The following SKIDA1 variants were observed in gnomAD, a reference collection of about 807,000 sequenced individuals.
The protein encoded by SKIDA1 is SKI/DACH domain-containing protein 1.
SKIDA1 carries 18 observed loss-of-function variants against 51.4 expected under a neutral mutation model. The observed-to-expected ratio is 0.35, with a 90% CI of 0.24 to 0.52. SKIDA1 has a LOEUF of 0.52. Ranked by LOEUF, SKIDA1 falls within the 20% of genes least tolerant of loss-of-function variation. The probability of loss-of-function intolerance (pLI) is 0.95; values close to 1 mark genes in which losing one functional copy is unlikely to be tolerated. For synonymous variants in SKIDA1, 579 were observed against 500.5 expected (o/e 1.16, Z -2.09); for missense variants, 1,104 against 1,180.6 (o/e 0.94, Z 0.95).
rs543933265 is a variant in SKIDA1, at chr10:21,514,790, T to C, written c.*306A>G. On this transcript the variant is annotated 3_prime_UTR_variant, in exon 4 of 4. Transcript: ENST00000449193. ...CAGTTGAATTGAGGTACCGGGTGCA[T>C]TATTAGCATCGAAACAGTAAAGTGT... 4.3e-6 allele frequency: 1 copy of C among 235,104 alleles called. No homozygotes were observed. Among genetic ancestry groups the C allele is most frequent in the East Asian group, 9.3e-5 (1 of 10,744 alleles). The allele number at this position is 235,104 out of a possible 1,614,324, so 14.6% of individuals were successfully genotyped here.
rs2032223290 is a variant in SKIDA1 at position 21,516,755 on chromosome 10, C to A, written c.1068G>T (p.Pro356=). ...GGTGAGGGGGGTGGTGACTCTGCTG[C>A]GGCGGCTGGGCCCGGTGGTGGTGGT... ...HHHHHHRAQP[P]QQSHHPPHHH... The change falls in exon 4 of 4, where the codon CCG becomes CCT. Residue 356 remains proline (P), a synonymous_variant. Coordinates refer to ENST00000449193, the MANE Select transcript of SKIDA1 (RefSeq NM_207371.4). The surrounding 1 kb of genome is among the most constrained non-coding windows in gnomAD (Gnocchi z 5.7). The A allele has an allele frequency of 3.9e-6, 6 of 1,546,836 alleles. No homozygotes were observed. The highest frequency in any genetic ancestry group is 2.4e-5 in the East Asian group (1 of 40,872).
rs1228958684 is a variant in SKIDA1, at chr10:21,515,822, G to A, written c.2001C>T (p.Ala667=). The change falls in exon 4 of 4, where the codon GCC becomes GCT. Residue 667 remains alanine, a synonymous_variant. Coordinates refer to ENST00000449193, the MANE Select transcript of SKIDA1 (RefSeq NM_207371.4). ...CGCCTGTGTCAGTGCAGGGATTCTC[G>A]GCTTTAGTTGCTGCTGCTCCTGCAG... The part of the protein sequence containing the change: ...VNAAGAAATK[A]ENPCTDTGDK... The A allele has an allele frequency of 3.1e-6, 5 of 1,613,762 alleles. No homozygotes were observed. The East Asian group carries it at 8.9e-5, about 29-fold the overall frequency.
At chr10:21,523,011 A>C (rs1193670377) in intron 2 of SKIDA1, among the ~76,000 whole-genome samples, 2 of 152,250 alleles carry the variant, frequency 1.3e-5, no homozygotes, top group African/African-American at 4.8e-5. Context: ...ACAGGTGAGC[A>C]ATAGGCACCT....
intron 1 of SKIDA1, among the ~76,000 whole-genome samples, chr10:21,525,151 G>A (rs987910872): frequency 6.6e-6 from 1 of 152,208 alleles, no homozygotes; most frequent in Non-Finnish European, 1.5e-5. Context: ...AGGGGTTTCT[G>A]CGCACAAAAT....
In SKIDA1 at chr10:21,517,049, C is replaced by T; in HGVS notation, c.774G>A (p.Ala258=). ...VSAAGPQPKA[A]AGAGGPGSLS... Reference sequence around the variant, plus strand: ...GGCTCCCCGGGCCTCCGGCGCCCGCCGCTGCCTTGGGCTGGGGCCCGGCCG... The same window carrying T: ...GGCTCCCCGGGCCTCCGGCGCCCGCTGCTGCCTTGGGCTGGGGCCCGGCCG... Residue 258 remains alanine, a synonymous_variant, in exon 4 of 4, where the codon GCG becomes GCA. Coordinates refer to ENST00000449193, the MANE Select transcript of SKIDA1 (RefSeq NM_207371.4). The surrounding 1 kb of genome is among the most constrained non-coding windows in gnomAD (Gnocchi z 6.9). The T allele has an allele frequency of 9.9e-7, 1 of 1,011,240 alleles. No homozygotes were observed. Among genetic ancestry groups the T allele is most frequent in the African/African-American group, 1.8e-5 (1 of 55,302 alleles). 62.6% of individuals were successfully genotyped at this position (1,011,240 alleles called of 1,614,324 possible).
In SKIDA1 at chr10:21,519,662, C is replaced by T. The variant is rs559632435; in HGVS notation, c.-1836-4G>A. Reference sequence around the variant, plus strand: ...GAATAAACGGATATTTCTGAGCCTGCAAGAAAAAAATTATACAGTAATTTC... The same window carrying T: ...GAATAAACGGATATTTCTGAGCCTGTAAGAAAAAAATTATACAGTAATTTC... On this transcript the variant is annotated splice_polypyrimidine_tract_variant and splice_region_variant and intron_variant, in intron 3 of 3. Transcript: ENST00000449193. 5.9e-4 allele frequency: 98 copies of T among 167,100 alleles called. No individual in the cohort carries two copies. Among genetic ancestry groups the T allele is most frequent in the African/African-American group, 2.2e-3 (90 of 41,550 alleles). 10.4% of individuals were successfully genotyped at this position (167,100 alleles called of 1,614,324 possible).
intron 1 of SKIDA1, chr10:21,524,678 A>C (rs529911345): frequency 6.8e-6 from 1 of 147,944 alleles, no homozygotes; most frequent in Admixed American, 6.9e-5. Flanking sequence ...AAAAGAATGG[A>C]ATACAAACTC....
intron 3 of SKIDA1, among the ~76,000 whole-genome samples, chr10:21,520,293 T>G (rs962227792): frequency 2.0e-5 from 3 of 152,174 alleles, no homozygotes; most frequent in Non-Finnish European, 4.4e-5. Context: ...TCTCTTTCAC[T>G]TTCACAGGAG....
In SKIDA1 at chr10:21,514,229, A is replaced by G. The variant is rs2032122501; in HGVS notation, c.*867T>C. On this transcript the variant is annotated 3_prime_UTR_variant, in exon 4 of 4. Transcript: ENST00000449193. The stretch of plus-strand genomic sequence containing the variant: ...GACTCTCTCCAAAAAAAAAAAAAAA[A>G]AAAAAAAGAAATATTTCAATTGTTT... 1 of 150,916 alleles carries G rather than the reference A, an allele frequency of 6.6e-6. No homozygotes were observed. Among genetic ancestry groups the G allele is most frequent in the African/African-American group, 2.4e-5 (1 of 41,190 alleles). The allele number at this position is 150,916 out of a possible 1,614,324, so 9.3% of individuals were successfully genotyped here.
Position 21,522,266 on chromosome 10 carries a change from A to ACCCCCCCCCCCCCCCCCCCCCCC in SKIDA1, c.-1928-809_-1928-787dup, listed in dbSNP as rs71393906. Among the ~76,000 whole-genome samples, 8 of 30,448 alleles carry ACCCCCCCCCCCCCCCCCCCCCCC rather than the reference A, an allele frequency of 2.6e-4. 1 individual carries two copies. Among genetic ancestry groups the ACCCCCCCCCCCCCCCCCCCCCCC allele is most frequent in the East Asian group, 3.2e-3 (1 of 312 alleles). The allele number at this position is 30,448 out of a possible 152,430, so 20.0% of individuals were successfully genotyped here. A position where few individuals can be genotyped will look rare whatever the true frequency, so the allele number is the denominator to read the frequency against. ...CATAATTTAAATGAGGATCACAGCC[A>ACCCCCCCCCCCCCCCCCCCCCCC]CCCCCCCCCCCCCCCCCCCCCCCCC... On this transcript the variant is annotated intron_variant, in intron 2 of 3. Transcript: ENST00000449193.
chr10:21,516,066 T>C lies in SKIDA1; in HGVS notation c.1757A>G (p.Asn586Ser), dbSNP rs1260975633. Residue 586 changes from asparagine (N) to serine (S), a missense_variant, in exon 4 of 4, where the codon AAC becomes AGC. By Grantham distance (46) the Asn-to-Ser change is conservative. Around this residue, in one of 3 missense-constraint regions of SKIDA1, gnomAD observed 938 missense variants for 886.4 expected, o/e 1.06. Transcript: ENST00000449193. The surrounding 1 kb of genome is among the most constrained non-coding windows in gnomAD (Gnocchi z 5.7). ...TATTCTTTGTTGTGGAAATGCATTG[T>C]TTGTCTTTGGGCTAGGTGAAGAGGC... Reference protein sequence around the residue: ...EGASSPSPKTNNAFPQQRILR... With the variant: ...EGASSPSPKTSNAFPQQRILR... 1 of 1,614,064 alleles carries C rather than the reference T, an allele frequency of 6.2e-7. No individual in the cohort carries two copies. Among genetic ancestry groups the C allele is most frequent in the Admixed American group, 1.7e-5 (1 of 60,028 alleles).
In SKIDA1 at chr10:21,515,707, T is replaced by A; in HGVS notation, c.2116A>T (p.Lys706Ter). 1 of 1,614,056 alleles carries A rather than the reference T, an allele frequency of 6.2e-7. No homozygotes were observed. The highest frequency in any genetic ancestry group is 8.5e-7 in the Non-Finnish European group (1 of 1,179,906). Residue 706 changes from lysine to a stop codon, truncating the protein, a stop_gained, in exon 4 of 4, where the codon AAG (lysine) becomes TAG (stop). Transcript: ENST00000449193. LOFTEE classifies it high-confidence loss of function. ...GTATCATTGCACTCGCACTTTAGCTTATTTGTAAAAAGGTGAGGTTCATAT... is the reference window on the plus strand; with the variant it reads ...GTATCATTGCACTCGCACTTTAGCTAATTTGTAAAAAGGTGAGGTTCATAT... ...EEYEPHLFTN[K>*]LKCECNDTKG... is the part of the protein sequence containing the mutation.
Position 21,516,738 on chromosome 10 carries a change from G to T in SKIDA1, c.1085C>A (p.Pro362His), listed in dbSNP as rs751132666. 3 of 1,549,762 alleles carry T rather than the reference G, an allele frequency of 1.9e-6. No individual in the cohort carries two copies. The highest frequency in any genetic ancestry group is 2.6e-6 in the Non-Finnish European group (3 of 1,146,568). ...GGGCTGCGGCCGGTGGTGGTGAGGG[G>T]GGTGGTGACTCTGCTGCGGCGGCTG... The part of the protein sequence containing the change: ...RAQPPQQSHH[P>H]PHHHRPQPHL... Residue 362 changes from proline (P) to histidine (H), a missense_variant, in exon 4 of 4, where the codon CCC becomes CAC. By Grantham distance (77) the Pro-to-His change is moderately conservative. Around this residue, in one of 3 missense-constraint regions of SKIDA1, gnomAD observed 938 missense variants for 886.4 expected, o/e 1.06. Coordinates refer to ENST00000449193, the MANE Select transcript of SKIDA1 (RefSeq NM_207371.4). The surrounding 1 kb of genome is among the most constrained non-coding windows in gnomAD (Gnocchi z 5.7).
rs186022576 is a variant in SKIDA1, at chr10:21,513,746, A to G, written c.*1350T>C. The G allele has an allele frequency of 6.6e-6, 1 of 152,660 alleles. No individual in the cohort carries two copies. The highest frequency in any genetic ancestry group is 6.5e-5 in the Admixed American group (1 of 15,306). The allele number at this position is 152,660 out of a possible 1,614,324, so 9.5% of individuals were successfully genotyped here. ...AACACAAGTTTTAGAGAGATGCAGA[A>G]AAAGTATAAGGTCATAAAATCCAAG... is the stretch of plus-strand genomic sequence containing the variant. On this transcript the variant is annotated 3_prime_UTR_variant, in exon 4 of 4. Transcript: ENST00000449193.
At position 21,516,523 on chromosome 10, in the gene SKIDA1, A is replaced by G. The variant is rs1272693339; in HGVS notation, c.1300T>C (p.Ser434Pro). The G allele has an allele frequency of 1.3e-6, 2 of 1,575,378 alleles. No individual in the cohort carries two copies. Among genetic ancestry groups the G allele is most frequent in the Non-Finnish European group, 1.7e-6 (2 of 1,161,872 alleles). The stretch of plus-strand genomic sequence containing the variant: ...TCCGAGCTGACTTCACTGGAATCCG[A>G]GGCCCCGCTGCCCCCCTCCTCCTCC... Reference protein sequence around the residue: ...EEEEEGGSGASDSSEVSSEEE... With the variant: ...EEEEEGGSGAPDSSEVSSEEE... The change falls in exon 4 of 4, where the codon TCG (serine) becomes CCG (proline). Residue 434 changes from serine (S) to proline (P), a missense_variant. Coordinates refer to ENST00000449193, the MANE Select transcript of SKIDA1 (RefSeq NM_207371.4). This position sits in a 1 kb window ranked among gnomAD's most constrained non-coding sequence, Gnocchi z 5.7.
At position 21,515,296 on chromosome 10, in the gene SKIDA1, G is replaced by A; in HGVS notation, c.2527C>T (p.Pro843Ser). The A allele has an allele frequency of 6.2e-7, 1 of 1,614,002 alleles. No homozygotes were observed. Among genetic ancestry groups the A allele is most frequent in the Non-Finnish European group, 8.5e-7 (1 of 1,179,898 alleles). ...ASNVASAVKR[P>S]FHFMANFPCP... The stretch of plus-strand genomic sequence containing the variant: ...GGAAAATTTGCCATGAAATGAAATG[G>A]CCTTTTCACTGCTGATGCTACATTG... Residue 843 changes from proline to serine, a missense_variant, in exon 4 of 4, where the codon CCA becomes TCA. Physicochemically the swap from Pro to Ser is moderately conservative, Grantham distance 74. This residue lies in a region of SKIDA1 where 112 missense variants were observed against 168.3 expected (regional missense o/e 0.67). Coordinates refer to ENST00000449193, the MANE Select transcript of SKIDA1 (RefSeq NM_207371.4).
In SKIDA1 at chr10:21,516,087, G is replaced by C. The variant is rs761126027; in HGVS notation, c.1736C>G (p.Ser579Cys). The C allele has an allele frequency of 6.2e-7, 1 of 1,614,040 alleles. No individual in the cohort carries two copies. Among genetic ancestry groups the C allele is most frequent in the Admixed American group, 1.7e-5 (1 of 60,026 alleles). Residue 579 changes from serine (S) to cysteine (C), a missense_variant, in exon 4 of 4, where the codon TCT becomes TGT. Physicochemically the swap from Ser to Cys is moderately radical, Grantham distance 112 (BLOSUM62 -1). This residue lies in a region of SKIDA1 where 938 missense variants were observed against 886.4 expected (regional missense o/e 1.06). Transcript: ENST00000449193. The surrounding 1 kb of genome is among the most constrained non-coding windows in gnomAD (Gnocchi z 5.7). The stretch of plus-strand genomic sequence containing the variant: ...ATTGTTTGTCTTTGGGCTAGGTGAA[G>C]AGGCCCCCTCTGCCAGGCAGTTAAT... ...LTINCLAEGA[S>C]SPSPKTNNAF...
In SKIDA1 at chr10:21,515,550, GA is replaced by G; in HGVS notation, c.2272del (p.Ser758HisfsTer4). 1 of 1,614,022 alleles carries G rather than the reference GA, an allele frequency of 6.2e-7. No homozygotes were observed. Among genetic ancestry groups the G allele is most frequent in the Non-Finnish European group, 8.5e-7 (1 of 1,179,900 alleles). ...AGGTTTTGGAGAACCTAAAGTGCAT[GA>G]AAGGCCCTGACTTTGAGCCAGTGGA... The part of the protein sequence containing the change: ...LNPLAQSQGL[S>X]CTLGSPKPED... On this transcript the variant is annotated frameshift_variant, in exon 4 of 4. Coordinates refer to ENST00000449193, the MANE Select transcript of SKIDA1 (RefSeq NM_207371.4). LOFTEE classifies it high-confidence loss of function.
intron 3 of SKIDA1, among the ~76,000 whole-genome samples, chr10:21,520,980 T>C (rs1465597518): frequency 6.6e-6 from 1 of 152,038 alleles, no homozygotes; most frequent in Non-Finnish European, 1.5e-5. Context: ...TCTAATACAT[T>C]CTTTTGTTCC....
Sources: allele counts gnomAD v4.1 joint callset (sites outside exome capture counted in the v4.1 genomes callset), GRCh38; gene constraint gnomAD v4.1.1; regional missense constraint gnomAD v4.1.1; non-coding constraint Gnocchi (gnomAD v3.1); transcripts MANE v1.5; gene names NCBI Gene and HGNC (gene_info 2026-07-23, HGNC 2026-07-21).